The following MEF2C variants were observed in gnomAD, a reference collection of about 807,000 sequenced individuals.
MEF2C encodes the protein myocyte enhancer factor 2C.
A neutral mutation model predicts 50.5 loss-of-function variants in MEF2C; 6 were observed. The ratio of observed to expected loss-of-function variants is 0.12; its 90% confidence interval spans 0.07 to 0.23. The LOEUF is 0.23. Ranked by LOEUF, MEF2C falls within the 10% of genes least tolerant of loss-of-function variation. The pLI is 1.00. For missense variants in MEF2C, 276 were observed against 605.0 expected, an observed-to-expected ratio of 0.46 and a Z score of 5.70; for synonymous variants, 183 against 228.0, an observed-to-expected ratio of 0.80 and a Z score of 1.78.
chr5:88,899,110 A>G (rs957181681), intron 1 of MEF2C, among the ~76,000 whole-genome samples: 5 of 152,184 alleles, frequency 3.3e-5, no homozygotes, highest in African/African-American at 1.2e-4. Context: ...GCATACTGAA[A>G]AGTTCAAAGC....
At chr5:88,749,424 A>AGAAAGT in intron 5 of MEF2C, 1 of 984,562 alleles carries the variant, frequency 1.0e-6, no homozygotes, top group Non-Finnish European at 1.2e-6. Flanking sequence ...GATGTTTTAT[A>AGAAAGT]GAAAGTGAAA....
intron 6 of MEF2C, chr5:88,746,457 A>AC: frequency 4.3e-6 from 1 of 234,396 alleles, no homozygotes; most frequent in Non-Finnish European, 5.5e-6. Flanking sequence ...TTTTTTTTTT[A>AC]ACAAAGTGAG....
chr5:88,856,551 C>A (rs1823429937), intron 1 of MEF2C, among the ~76,000 whole-genome samples: 1 of 152,200 alleles, frequency 6.6e-6, no homozygotes, highest in African/African-American at 2.4e-5. Context: ...CTATCACAGG[C>A]CCAGAGGCCT....
chr5:88,866,493 T>C (rs543019681), intron 1 of MEF2C, among the ~76,000 whole-genome samples: 1 of 152,320 alleles, frequency 6.6e-6, no homozygotes, highest in South Asian at 2.1e-4. Context: ...ACGGCAATAC[T>C]TTTATGAAAA....
chr5:88,891,330 G>A (rs1481974000), intron 1 of MEF2C, among the ~76,000 whole-genome samples: 11 of 151,526 alleles, frequency 7.3e-5, no homozygotes, highest in Non-Finnish European at 1.0e-4. Context: ...TAAAGATATC[G>A]GAGACATTGA....
At chr5:88,734,560 AGTTTGTTTTTTTTTT>A in intron 6 of MEF2C, 1 of 535,554 alleles carries the variant, frequency 1.9e-6, no homozygotes, top group Non-Finnish European at 2.2e-6. Context: ...CCTTGAGAAA[AGTTTGTTTTTTTTTT>A]TTTTTTTTTT....
chr5:88,893,319 C>CTTTT (rs11368134), intron 1 of MEF2C, among the ~76,000 whole-genome samples: 1 of 145,872 alleles, frequency 6.9e-6, no homozygotes. Context: ...TCTTTCTTTT[C>CTTTT]TTTTTTTTTT....
intron 1 of MEF2C, among the ~76,000 whole-genome samples, chr5:88,835,089 C>T (rs1358608426): frequency 6.6e-6 from 1 of 152,180 alleles, no homozygotes; most frequent in Non-Finnish European, 1.5e-5. Flanking sequence ...TTCATGATGG[C>T]AATGGCCACT....
intron 1 of MEF2C, among the ~76,000 whole-genome samples, chr5:88,846,983 A>G (rs982197500): frequency 2.0e-5 from 3 of 152,200 alleles, no homozygotes; most frequent in African/African-American, 7.2e-5. Context: ...ATTTGCTTAT[A>G]TTGCTGCAAA....
At chr5:88,789,961 G>A (rs1268055428) in intron 3 of MEF2C, among the ~76,000 whole-genome samples, 1 of 152,042 alleles carries the variant, frequency 6.6e-6, no homozygotes, top group African/African-American at 2.4e-5. Context: ...AAAAGTTATG[G>A]GTACTACTAT....
intron 4 of MEF2C, among the ~76,000 whole-genome samples, chr5:88,759,534 C>A (rs1290708090): frequency 6.6e-6 from 1 of 151,836 alleles, no homozygotes; most frequent in African/African-American, 2.4e-5. Context: ...TGAGCCGCTT[C>A]TTTTTTTCTT....
At chr5:88,769,193 T>C (rs1180407477) in intron 3 of MEF2C, among the ~76,000 whole-genome samples, 5 of 152,218 alleles carry the variant, frequency 3.3e-5, no homozygotes, top group African/African-American at 1.2e-4. Context: ...TCAGATACTA[T>C]AAATCTGAAT....
intron 7 of MEF2C, among the ~76,000 whole-genome samples, chr5:88,730,915 GTTCTTGCTCTTAAGCAAAGC>G (rs1561691345): frequency 6.6e-6 from 1 of 152,138 alleles, no homozygotes; most frequent in Non-Finnish European, 1.5e-5. Context: ...GGTTTTAAAC[GTTCTTGCTCTTAAGCAAAGC>G]TAATTTGTAG....
At position 88,728,902 on chromosome 5, in the gene MEF2C, T is replaced by C. The variant is rs183075670; in HGVS notation, c.965-274A>G. Among the ~76,000 whole-genome samples the C allele has an allele frequency of 2.0e-4, 31 of 152,332 alleles. No individual in the cohort carries two copies. The East Asian group carries it at 4.4e-3, about 22-fold the overall frequency. On this transcript the variant is annotated intron_variant, in intron 9 of 10. Coordinates refer to ENST00000504921, the MANE Select transcript of MEF2C (RefSeq NM_002397.5). ...AGAACTACAATCTAGTATAAAGGTA[T>C]GTACATATTTGATGATGTAGAAATG...
intron 3 of MEF2C, among the ~76,000 whole-genome samples, chr5:88,804,152 GA>G (rs1434450562): frequency 6.6e-6 from 1 of 152,188 alleles, no homozygotes; most frequent in Admixed American, 6.5e-5. Context: ...TCGAAAAACT[GA>G]AAGTGTAAGG....
intron 2 of MEF2C, among the ~76,000 whole-genome samples, chr5:88,808,092 G>A (rs1039399919): frequency 6.6e-6 from 1 of 152,016 alleles, no homozygotes; most frequent in Non-Finnish European, 1.5e-5. Context: ...TGATATTAAG[G>A]ATGGGCTGAA....
At chr5:88,828,850 C>T (rs545621309) in intron 1 of MEF2C, among the ~76,000 whole-genome samples, 3 of 152,016 alleles carry the variant, frequency 2.0e-5, no homozygotes, top group South Asian at 2.1e-4. Flanking sequence ...TGCTCGACTG[C>T]GTGATGTCTT....
intron 2 of MEF2C, 67 bp downstream of exon 2, chr5:88,823,668 A>G (rs1287873698): frequency 1.4e-6 from 2 of 1,405,674 alleles, no homozygotes; most frequent in Non-Finnish European, 9.9e-7. Flanking sequence ...TATTTTCTGT[A>G]CCCTTAACAT....
At chr5:88,743,934 T>C in intron 6 of MEF2C, 1 of 914,880 alleles carries the variant, frequency 1.1e-6, no homozygotes, top group South Asian at 5.0e-5. Flanking sequence ...CCAATATACA[T>C]AAATCTCCTT....
Sources: allele counts gnomAD v4.1 joint callset (sites outside exome capture counted in the v4.1 genomes callset), GRCh38; gene constraint gnomAD v4.1.1; transcripts MANE v1.5; gene names NCBI Gene and HGNC (gene_info 2026-07-23, HGNC 2026-07-21).